WBP2NL: variants seen among roughly 807,000 people sequenced by gnomAD.
WBP2NL encodes postacrosomal sheath WW domain-binding protein.
WBP2NL carries 27 observed loss-of-function variants against 23.3 expected under a neutral mutation model. The ratio of observed to expected loss-of-function variants is 1.16; its 90% CI spans 0.85 to 1.60. The LOEUF is 1.60. Among genes scored for constraint, WBP2NL ranks in the 40% most tolerant of loss-of-function variants. The pLI is 0.00. For missense variants in WBP2NL, 370 were observed against 389.5 expected, an observed-to-expected ratio of 0.95 and a Z score of 0.42; for synonymous variants, 151 against 145.9, an observed-to-expected ratio of 1.03 and a Z score of -0.25.
chr22:42,008,592 G>A (rs1269675191), intron 1 of WBP2NL, among the ~76,000 whole-genome samples: 1 of 151,926 alleles, frequency 6.6e-6, no homozygotes, highest in East Asian at 1.9e-4. Context: ...CTGATGATTA[G>A]TAATGACAAT....
intron 8 of WBP2NL, among the ~76,000 whole-genome samples, chr22:42,042,724 T>C (rs1033014741): frequency 6.6e-6 from 1 of 152,204 alleles, no homozygotes; most frequent in Non-Finnish European, 1.5e-5. Flanking sequence ...CCTGATTCCT[T>C]GTGATCCTTC....
rs761447708 is a variant in WBP2NL, at chr22:42,020,097, G to C, written c.406+1G>C. 9.3e-6 allele frequency: 15 copies of C among 1,612,800 alleles called. 1 individual carries two copies. The highest frequency in any genetic ancestry group is 1.3e-5 in the Non-Finnish European group (15 of 1,178,984). On this transcript the variant is annotated splice_donor_variant, in intron 4 of 5. Coordinates refer to ENST00000328823, the MANE Select transcript of WBP2NL (RefSeq NM_152613.3). LOFTEE classifies it high-confidence loss of function. ...TTGATGGTGAAAGCTGCCTCTGCTG[G>C]TAAGTGATGCTGATAAAGATATTAA...
downstream of WBP2NL, among the ~76,000 whole-genome samples, chr22:42,037,879 GTGTT>G (rs1319465337): frequency 6.9e-6 from 1 of 144,300 alleles, no homozygotes; most frequent in East Asian, 1.9e-4. Context: ...GTGTGTGTGT[GTGTT>G]TGTAGTCTTT....
downstream of WBP2NL, among the ~76,000 whole-genome samples, chr22:42,028,981 T>C (rs1159451394): frequency 6.6e-6 from 1 of 152,196 alleles, no homozygotes; most frequent in East Asian, 1.9e-4. Context: ...TCCTAATTGC[T>C]CCCTGGGGGG....
At position 42,019,458 on chromosome 22, in the gene WBP2NL, A is replaced by C. The variant is rs1319770860; in HGVS notation, c.171+39A>C. The C allele has an allele frequency of 1.9e-6, 3 of 1,581,282 alleles. No individual in the cohort carries two copies. In the South Asian group the frequency reaches 3.4e-5, roughly 18 times the overall value. ...CTACTTTAATCTGCTGATTAACTCT[A>C]CATTTGTTTTCCTTGAAATGAAGAA... On this transcript the variant is annotated intron_variant, in intron 2 of 5. Transcript: ENST00000328823.
Position 42,028,027 on chromosome 22 carries a change from C to T in WBP2NL, c.*846C>T, listed in dbSNP as rs1302706205. On this transcript the variant is annotated 3_prime_UTR_variant, in exon 6 of 6. Transcript: ENST00000328823. ...ACAAATATTAAAACTCTTGATATGGCACTTTCACATTTTAAAATATGCCTG... is the reference window on the plus strand; with the variant it reads ...ACAAATATTAAAACTCTTGATATGGTACTTTCACATTTTAAAATATGCCTG... The T allele has an allele frequency of 5.0e-6, 2 of 398,360 alleles. No individual in the cohort carries two copies. The highest frequency in any genetic ancestry group is 2.1e-5 in the African/African-American group (1 of 48,610). The allele number at this position is 398,360 out of a possible 1,614,324, so 24.7% of individuals were successfully genotyped here.
chr22:42,051,514 G>A (rs572234823), intron 8 of WBP2NL, among the ~76,000 whole-genome samples: 4 of 152,260 alleles, frequency 2.6e-5, no homozygotes, highest in African/African-American at 7.2e-5. Context: ...AATTATGAAC[G>A]TTTGCTAATA....
downstream of WBP2NL, chr22:42,031,839 G>C (rs958129659): frequency 5.9e-5 from 9 of 152,096 alleles, no homozygotes; most frequent in African/African-American, 2.2e-4. Flanking sequence ...TGGATGACAG[G>C]TGCCTGCCAC....
chr22:42,047,052 C>T (rs572850050), intron 8 of WBP2NL, among the ~76,000 whole-genome samples: 2 of 152,052 alleles, frequency 1.3e-5, no homozygotes, highest in East Asian at 3.8e-4. Flanking sequence ...CACAACTTCT[C>T]AGTGTCATCC....
intron 1 of WBP2NL, among the ~76,000 whole-genome samples, chr22:42,012,563 T>C (rs904035124): frequency 2.6e-5 from 4 of 152,216 alleles, no homozygotes; most frequent in Admixed American, 2.0e-4. Context: ...GAAAACATAT[T>C]ATAAAATATA....
chr22:42,007,168 G>A (rs1922329582), intron 1 of WBP2NL, among the ~76,000 whole-genome samples: 1 of 152,126 alleles, frequency 6.6e-6, no homozygotes, highest in Admixed American at 6.5e-5. Context: ...GTATTCCAGT[G>A]TGCATAAATC....
intron 1 of WBP2NL, among the ~76,000 whole-genome samples, chr22:42,006,468 C>T (rs1013228158): frequency 1.3e-5 from 2 of 152,164 alleles, no homozygotes; most frequent in Admixed American, 6.5e-5. Flanking sequence ...CGCCTGACCT[C>T]GTGATCCGCC....
At chr22:42,009,602 C>A (rs1922620799) in intron 1 of WBP2NL, among the ~76,000 whole-genome samples, 1 of 152,074 alleles carries the variant, frequency 6.6e-6, no homozygotes, top group African/African-American at 2.4e-5. Context: ...ATCTTAGTAC[C>A]TTTGTTGAAG....
Position 42,019,698 on chromosome 22 carries a change from A to C in WBP2NL, c.208A>C (p.Met70Leu), listed in dbSNP as rs772503064. The C allele has an allele frequency of 1.9e-6, 3 of 1,614,118 alleles. No homozygotes were observed. Among genetic ancestry groups the C allele is most frequent in the African/African-American group, 1.3e-5 (1 of 75,038 alleles). ...AACTTCATGCTCCATCAGTGATCCC[A>C]TGTTGTCTTTTATGATGCCATTTGA... ...FITSCSISDPMLSFMMPFDLM... is the reference protein window; with the variant it reads ...FITSCSISDPLLSFMMPFDLM... The change falls in exon 3 of 6, where the codon ATG becomes CTG. Residue 70 changes from methionine to leucine, a missense_variant. Transcript: ENST00000328823.
chr22:42,022,414 A>G (rs1924065005), intron 5 of WBP2NL, 58 bp downstream of exon 5: 3 of 1,453,318 alleles, frequency 2.1e-6, no homozygotes, highest in Admixed American at 2.0e-5. Flanking sequence ...AGAGGCTCAA[A>G]GATCTATCCC....
At chr22:42,041,009 C>A (rs569354533) in intron 8 of WBP2NL, among the ~76,000 whole-genome samples, 3 of 152,274 alleles carry the variant, frequency 2.0e-5, no homozygotes, top group African/African-American at 7.2e-5. Context: ...ATATTGAATT[C>A]TCCTACTATT....
intron 8 of WBP2NL, among the ~76,000 whole-genome samples, chr22:42,038,759 C>A (rs1244490830): frequency 6.6e-6 from 1 of 151,962 alleles, no homozygotes; most frequent in Non-Finnish European, 1.5e-5. Flanking sequence ...CCTGCCATCA[C>A]GCCCAGCTAA....
chr22:42,049,721 A>C lies in WBP2NL; in HGVS notation c.*274-8569A>C, dbSNP rs941844179. Among the ~76,000 whole-genome samples the C allele has an allele frequency of 6.7e-5, 10 of 149,240 alleles. 1 individual carries two copies. Among genetic ancestry groups the C allele is most frequent in the South Asian group, 2.1e-4 (1 of 4,790 alleles). Reference sequence around the variant, plus strand: ...AAAACAAAACAAAAAAAAAAAAAAAAAAAAAAAAAATAGAACATTTTGGCT... The same window carrying C: ...AAAACAAAACAAAAAAAAAAAAAAACAAAAAAAAAATAGAACATTTTGGCT... On this transcript the variant is annotated intron_variant and NMD_transcript_variant, in intron 8 of 8. Transcript: ENST00000436265.
rs199613519 is a variant in WBP2NL at position 42,019,460 on chromosome 22, A to G, written c.171+41A>G. 4.3e-4 allele frequency: 684 copies of G among 1,587,586 alleles called. 1 individual carries two copies. The Middle Eastern group carries it at 6.9e-3, about 16-fold the overall frequency. On this transcript the variant is annotated intron_variant, in intron 2 of 5. Coordinates refer to ENST00000328823, the MANE Select transcript of WBP2NL (RefSeq NM_152613.3). The stretch of plus-strand genomic sequence containing the variant: ...ACTTTAATCTGCTGATTAACTCTAC[A>G]TTTGTTTTCCTTGAAATGAAGAAAA...
Sources: gnomAD v4.1 joint callset for allele counts (sites outside exome capture counted in the v4.1 genomes callset) on GRCh38, gnomAD v4.1.1 for gene constraint, MANE v1.5 for transcripts, NCBI Gene and HGNC (gene_info 2026-07-23, HGNC 2026-07-21) for gene names.